GLIS1: variants seen among roughly 807,000 people sequenced by gnomAD.
The protein encoded by GLIS1 is zinc finger protein GLIS1.
In GLIS1, 24 loss-of-function variants were observed where a neutral mutation model predicts 63.8. The observed-to-expected ratio is 0.38, with a 90% CI of 0.27 to 0.53. The LOEUF (loss-of-function observed/expected upper bound fraction) is 0.53. Among genes scored for constraint, GLIS1 ranks in the 20% least tolerant of loss-of-function variants. GLIS1 has a pLI of 0.85. For synonymous variants in GLIS1, 450 were observed against 482.5 expected (o/e 0.93, Z 0.88); for missense variants, 1,036 against 1,074.1 (o/e 0.96, Z 0.50).
intron 2 of GLIS1, among the ~76,000 whole-genome samples, chr1:53,613,096 G>A (rs1645443123): frequency 6.6e-6 from 1 of 152,204 alleles, no homozygotes; most frequent in Admixed American, 6.5e-5. Context: ...TGGGATTACA[G>A]GCGTGAGCCC....
intron 2 of GLIS1, among the ~76,000 whole-genome samples, chr1:53,620,141 G>C (rs987570048): frequency 6.6e-6 from 1 of 152,238 alleles, no homozygotes; most frequent in Non-Finnish European, 1.5e-5. Context: ...AGTGATGACA[G>C]TCATACCAGG....
chr1:53,545,567 C>T (rs961560912), intron 4 of GLIS1, among the ~76,000 whole-genome samples: 1 of 152,186 alleles, frequency 6.6e-6, no homozygotes, highest in African/African-American at 2.4e-5. Context: ...TGTAATTATA[C>T]ACACAGAGAG....
intron 4 of GLIS1, among the ~76,000 whole-genome samples, chr1:53,559,604 T>C (rs941590690): frequency 1.3e-5 from 2 of 152,006 alleles, no homozygotes; most frequent in African/African-American, 4.8e-5. Flanking sequence ...CTGCTCCCCC[T>C]CAGGGTCGAG....
In GLIS1 at chr1:53,541,869, C is replaced by T. The variant is rs556952993; in HGVS notation, c.1321-11917G>A. 1.5e-3 allele frequency among the ~76,000 whole-genome samples: 222 copies of T among 152,330 alleles called. 1 individual carries two copies. The highest frequency in any genetic ancestry group is 2.5e-3 in the Non-Finnish European group (170 of 68,040). On this transcript the variant is annotated intron_variant, in intron 4 of 10. Coordinates refer to ENST00000628545, the MANE Select transcript of GLIS1 (RefSeq NM_001367484.1). ...CTGTCTGGGGGTCTGAGGCTCGGTC[C>T]GTTCATCCTGCAGCTGGGGGAGTTT...
At chr1:53,703,555 T>C (rs936985531) in intron 2 of GLIS1, among the ~76,000 whole-genome samples, 1 of 151,738 alleles carries the variant, frequency 6.6e-6, no homozygotes, top group Non-Finnish European at 1.5e-5. Context: ...AGGAGGATTG[T>C]TTGAACCCAG....
intron 2 of GLIS1, among the ~76,000 whole-genome samples, chr1:53,667,157 G>A (rs1172596359): frequency 6.6e-6 from 1 of 152,208 alleles, no homozygotes; most frequent in African/African-American, 2.4e-5. Context: ...GAACTGCAAA[G>A]CACTGTGCAC....
At chr1:53,580,857 G>T (rs1000350994) in intron 4 of GLIS1, among the ~76,000 whole-genome samples, 5 of 152,116 alleles carry the variant, frequency 3.3e-5, no homozygotes, top group African/African-American at 1.2e-4. Flanking sequence ...ATCAATTAAT[G>T]CAAAATTGTA....
intron 2 of GLIS1, among the ~76,000 whole-genome samples, chr1:53,663,722 G>A (rs1013293984): frequency 9.9e-5 from 15 of 152,168 alleles, no homozygotes; most frequent in Admixed American, 4.6e-4. Context: ...ACTGGAGCCC[G>A]GGGAACACTG....
At chr1:53,548,320 T>C (rs1156782137) in intron 4 of GLIS1, among the ~76,000 whole-genome samples, 1 of 152,216 alleles carries the variant, frequency 6.6e-6, no homozygotes, top group African/African-American at 2.4e-5. Flanking sequence ...AGGCCCGGTC[T>C]GCACACAGCA....
chr1:53,662,396 A>T (rs1212393071), intron 2 of GLIS1, among the ~76,000 whole-genome samples: 2 of 152,190 alleles, frequency 1.3e-5, no homozygotes, highest in Non-Finnish European at 2.9e-5. Context: ...AATGGATGGG[A>T]ACGCACTTTG....
rs930380444 is a variant in GLIS1, at chr1:53,539,809, A to G, written c.1321-9857T>C. 1.3e-5 allele frequency among the ~76,000 whole-genome samples: 2 copies of G among 152,090 alleles called. No individual in the cohort carries two copies. Among genetic ancestry groups the G allele is most frequent in the Non-Finnish European group, 2.9e-5 (2 of 68,006 alleles). ...TGGGGTTCACTGAGGGGCTGGGTCC[A>G]CTGCGCCTCCTGACCTCTGAGTGGT... On this transcript the variant is annotated intron_variant, in intron 4 of 10. Transcript: ENST00000628545. The surrounding 1 kb of genome is among the most constrained non-coding windows in gnomAD (Gnocchi z 5.0).
chr1:53,509,025 A>C (rs1051816021), intron 10 of GLIS1, 95 bp downstream of exon 10: 1 of 1,274,338 alleles, frequency 7.8e-7, no homozygotes, highest in Admixed American at 2.6e-5. Flanking sequence ...CCACATAAGC[A>C]TCCAAAGGCT....
At chr1:53,651,550 G>T (rs1645907528) in intron 2 of GLIS1, among the ~76,000 whole-genome samples, 2 of 152,150 alleles carry the variant, frequency 1.3e-5, no homozygotes, top group African/African-American at 4.8e-5. Context: ...CCAAGGGGCT[G>T]GTGAGTGGAT....
intron 4 of GLIS1, among the ~76,000 whole-genome samples, chr1:53,552,946 G>A (rs1407175305): frequency 6.6e-6 from 1 of 152,236 alleles, no homozygotes; most frequent in Non-Finnish European, 1.5e-5. Context: ...TCTGACCAAT[G>A]AGGAGATGGA....
chr1:53,652,421 C>A (rs888629603), intron 2 of GLIS1, among the ~76,000 whole-genome samples: 1 of 152,122 alleles, frequency 6.6e-6, no homozygotes, highest in African/African-American at 2.4e-5. Flanking sequence ...AAGGCATGCC[C>A]TCATCTGCTG....
rs538030086 is a variant in GLIS1 at position 53,514,626 on chromosome 1, C to T, written c.1882G>A (p.Gly628Arg). 1.2e-6 allele frequency: 2 copies of T among 1,613,282 alleles called. No individual in the cohort carries two copies. Among genetic ancestry groups the T allele is most frequent in the African/African-American group, 1.3e-5 (1 of 74,960 alleles). ...PLPMAESTRD[G>R]LGPGLLSPIV... Reference sequence around the variant, plus strand: ...GGAGGACTGGCCTGGTGTACATACCCATCCCGGGTGCTCTCAGCCATGGGC... The same window carrying T: ...GGAGGACTGGCCTGGTGTACATACCTATCCCGGGTGCTCTCAGCCATGGGC... The change falls in exon 8 of 11, where the codon GGG (glycine) becomes AGG (arginine). Residue 628 changes from glycine to arginine, a missense_variant and splice_region_variant. Coordinates refer to ENST00000628545, the MANE Select transcript of GLIS1 (RefSeq NM_001367484.1).
intron 2 of GLIS1, among the ~76,000 whole-genome samples, chr1:53,716,707 A>G (rs1238722060): frequency 2.6e-5 from 4 of 152,216 alleles, no homozygotes; most frequent in African/African-American, 9.6e-5. Flanking sequence ...CAGATCAAAA[A>G]GACAAAGAGC....
intron 2 of GLIS1, among the ~76,000 whole-genome samples, chr1:53,621,812 C>G (rs1468646324): frequency 6.6e-6 from 1 of 151,780 alleles, no homozygotes; most frequent in Non-Finnish European, 1.5e-5. Flanking sequence ...ATGTTTCATA[C>G]AGAAAAATTT....
intron 2 of GLIS1, among the ~76,000 whole-genome samples, chr1:53,609,205 G>A (rs896359125): frequency 3.5e-5 from 5 of 144,046 alleles, no homozygotes; most frequent in Admixed American, 2.8e-4. Flanking sequence ...TGAATATTTA[G>A]TCCATTTATA....
Sources: allele counts gnomAD v4.1 joint callset (sites outside exome capture counted in the v4.1 genomes callset), GRCh38; gene constraint gnomAD v4.1.1; non-coding constraint Gnocchi (gnomAD v3.1); transcripts MANE v1.5; gene names NCBI Gene and HGNC (gene_info 2026-07-23, HGNC 2026-07-21).